The following MTCL1 variants were observed in gnomAD, a reference collection of about 807,000 sequenced individuals.
The protein encoded by MTCL1 is microtubule cross-linking factor 1.
MTCL1 carries 79 observed loss-of-function variants against 141.4 expected under a neutral mutation model. The ratio of observed to expected loss-of-function variants is 0.56; its 90% CI spans 0.47 to 0.67. MTCL1 has a LOEUF of 0.67. Among genes scored for constraint, MTCL1 ranks in the 30% least tolerant of loss-of-function variants. The probability of loss-of-function intolerance (pLI) is 0.00; values close to 1 mark genes in which losing one functional copy is unlikely to be tolerated. For synonymous variants in MTCL1, 914 were observed against 875.8 expected (o/e 1.04, Z -0.77); for missense variants, 2,177 against 2,113.9 (o/e 1.03, Z -0.59).
intron 6 of MTCL1, 57 bp from the exon 6 acceptor site, chr18:8,785,876 GTTT>G: frequency 6.6e-7 from 1 of 1,516,036 alleles, no homozygotes; most frequent in African/African-American, 1.4e-5. Flanking sequence ...TTGTTTGTTT[GTTT>G]TTTTGTTTAA....
chr18:8,787,444 AG>A (rs1254316985), intron 7 of MTCL1: 1 of 153,094 alleles, frequency 6.5e-6, no homozygotes, highest in Non-Finnish European at 1.5e-5. Flanking sequence ...AGCCAGCTGC[AG>A]CCCCCGCTCC....
At chr18:8,712,025 T>C (rs2096095930) in intron 1 of MTCL1, among the ~76,000 whole-genome samples, 1 of 152,184 alleles carries the variant, frequency 6.6e-6, no homozygotes, top group Non-Finnish European at 1.5e-5. Flanking sequence ...ATTTAATCAG[T>C]TGGCATTTAT....
chr18:8,802,553 C>T (rs1427390247), intron 10 of MTCL1, among the ~76,000 whole-genome samples: 1 of 152,202 alleles, frequency 6.6e-6, no homozygotes, highest in East Asian at 1.9e-4. Context: ...CTACAAACTT[C>T]CATTTCACTT....
chr18:8,773,000 CTA>C lies in MTCL1; in HGVS notation c.358-4831_358-4830del, dbSNP rs2096491151. Among the ~76,000 whole-genome samples, 5 of 152,218 alleles carry C rather than the reference CTA, an allele frequency of 3.3e-5. No individual in the cohort carries two copies. In the South Asian group the frequency reaches 1.0e-3, roughly 32 times the overall value. ...TTGCCTAACTGTAGCAATCATTTCA[CTA>C]TGTGTATTCTGAGATGAGCATATCA... On this transcript the variant is annotated intron_variant, in intron 4 of 16. Transcript: ENST00000359865.
At chr18:8,734,349 T>C (rs890205795) in intron 4 of MTCL1, among the ~76,000 whole-genome samples, 2 of 152,242 alleles carry the variant, frequency 1.3e-5, no homozygotes, top group South Asian at 2.1e-4. Flanking sequence ...TTTGACAAGA[T>C]TGTGGGTTGG....
chr18:8,786,187 G>C, intron 7 of MTCL1, 96 bp downstream of exon 6: 1 of 1,356,308 alleles, frequency 7.4e-7, no homozygotes, highest in Non-Finnish European at 1.0e-6. Flanking sequence ...GAGGCCCTGA[G>C]GGAACATGGC....
At chr18:8,811,539 A>C (rs1456585764) in intron 11 of MTCL1, among the ~76,000 whole-genome samples, 4 of 152,098 alleles carry the variant, frequency 2.6e-5, no homozygotes, top group Non-Finnish European at 4.4e-5. Context: ...ATACATATAT[A>C]TATCTATGGT....
Position 8,750,871 on chromosome 18 carries a change from C to T in MTCL1, c.358-26962C>T, listed in dbSNP as rs1032474580. ...TTATTTCCGGGAGTCCCAAGCTGGT[C>T]CCCCTTTGGCATAGCTGGGAGTGAG... On this transcript the variant is annotated intron_variant, in intron 4 of 16. Coordinates refer to ENST00000359865, the Ensembl canonical transcript of MTCL1. Among the ~76,000 whole-genome samples the T allele has an allele frequency of 3.9e-5, 6 of 152,164 alleles. No individual in the cohort carries two copies. The East Asian group carries it at 1.2e-3, about 29-fold the overall frequency.
rs552383037 is a variant in MTCL1 at position 8,733,705 on chromosome 18, C to T, written c.357+13209C>T. Among the ~76,000 whole-genome samples, 13 of 152,256 alleles carry T rather than the reference C, an allele frequency of 8.5e-5. 1 individual carries two copies. Among genetic ancestry groups the T allele is most frequent in the Middle Eastern group, 6.8e-3 (2 of 294 alleles). Reference sequence around the variant, plus strand: ...ACAGGCGTGAGCCACTGTGCTTGGCCGTTAGTATCCTGTTAATGATTGAGA... The same window carrying T: ...ACAGGCGTGAGCCACTGTGCTTGGCTGTTAGTATCCTGTTAATGATTGAGA... On this transcript the variant is annotated intron_variant, in intron 4 of 16. Coordinates refer to ENST00000359865, the Ensembl canonical transcript of MTCL1.
chr18:8,713,678 C>G (rs1341441063), upstream of MTCL1, among the ~76,000 whole-genome samples: 1 of 152,178 alleles, frequency 6.6e-6, no homozygotes, highest in Non-Finnish European at 1.5e-5. Flanking sequence ...TTTTTCTAGG[C>G]TCTCTGGGAA....
At chr18:8,824,780 C>T (rs746472149) in exon 15 of MTCL1, 1 of 1,614,158 alleles carries the variant, frequency 6.2e-7, no homozygotes, top group Non-Finnish European at 8.5e-7. Flanking sequence ...GCCTGCCGTC[C>T]ACCAGCAGCA....
At position 8,831,767 on chromosome 18, in the gene MTCL1, GCGAGGAGCCGCC is replaced by G. The variant is rs1056209025; in HGVS notation, c.*188_*199del. ...CCGACGTCCTTGGAGGAGCATGGTG[GCGAGGAGCCGCC>G]CGAGGAGCAGCCACACCGAGATGCA... On this transcript the variant is annotated 3_prime_UTR_variant, in exon 17 of 17. Transcript: ENST00000359865. 1.2e-5 allele frequency: 18 copies of G among 1,550,166 alleles called. No homozygotes were observed. The East Asian group carries it at 2.2e-4, about 19-fold the overall frequency.
chr18:8,786,484 T>G, intron 7 of MTCL1: 1 of 393,892 alleles, frequency 2.5e-6, no homozygotes, highest in South Asian at 1.9e-5. Context: ...AGTTCCCCTT[T>G]TCAGCTCTTT....
chr18:8,786,595 C>T, intron 7 of MTCL1: 1 of 349,182 alleles, frequency 2.9e-6, no homozygotes, highest in South Asian at 2.2e-5. Flanking sequence ...GCACCCCTAG[C>T]AGTGTCTGTC....
chr18:8,731,226 C>T (rs2096248916), intron 4 of MTCL1, among the ~76,000 whole-genome samples: 1 of 151,810 alleles, frequency 6.6e-6, no homozygotes, highest in Admixed American at 6.6e-5. Flanking sequence ...GCCTGGGCGA[C>T]AGAGCAAGAC....
At chr18:8,723,551 C>G (rs1220997824) in intron 4 of MTCL1, among the ~76,000 whole-genome samples, 1 of 152,200 alleles carries the variant, frequency 6.6e-6, no homozygotes, top group African/African-American at 2.4e-5. Context: ...TCCATGCCTT[C>G]TCTCTGGAGC....
At chr18:8,706,575 C>T (rs995171998) in exon 1 of MTCL1, 5 of 1,458,554 alleles carry the variant, frequency 3.4e-6, no homozygotes, top group South Asian at 2.7e-5. Context: ...TCCGGGGGCG[C>T]TCGCCACCGG....
intron 4 of MTCL1, among the ~76,000 whole-genome samples, chr18:8,727,018 G>A (rs2096220227): frequency 6.6e-6 from 1 of 152,010 alleles, no homozygotes; most frequent in Non-Finnish European, 1.5e-5. Flanking sequence ...TTTACCCATT[G>A]TTTAGCTCTC....
intron 7 of MTCL1, among the ~76,000 whole-genome samples, chr18:8,788,742 C>G (rs1051377499): frequency 1.9e-4 from 29 of 152,172 alleles, no homozygotes; most frequent in African/African-American, 6.8e-4. Flanking sequence ...TCTCCAAGGC[C>G]GGCATTCTTA....
Sources: gnomAD v4.1 joint callset for allele counts (sites outside exome capture counted in the v4.1 genomes callset) on GRCh38, gnomAD v4.1.1 for gene constraint, MANE v1.5 for transcripts, NCBI Gene and HGNC (gene_info 2026-07-23, HGNC 2026-07-21) for gene names.